FCRL1: variants seen among roughly 807,000 people sequenced by gnomAD.
FCRL1 encodes the protein Fc receptor-like protein 1.
In FCRL1, 34 loss-of-function variants were observed where a neutral mutation model predicts 49.2. The observed-to-expected ratio is 0.69, with a 90% CI of 0.53 to 0.92. The LOEUF (loss-of-function observed/expected upper bound fraction) is 0.92, where lower values mean the gene tolerates loss of function less well. Among genes scored for constraint, FCRL1 ranks in the 40% least tolerant of loss-of-function variants. The probability of loss-of-function intolerance (pLI) is 0.00; values close to 1 mark genes in which losing one functional copy is unlikely to be tolerated. For synonymous variants in FCRL1, 218 were observed against 201.6 expected (o/e 1.08, Z -0.69); for missense variants, 524 against 524.1 (o/e 1.00, Z 0.00).
intron 1 of FCRL1, among the ~76,000 whole-genome samples, chr1:157,814,873 AATG>A (rs1338643985): frequency 2.0e-5 from 3 of 152,006 alleles, no homozygotes; most frequent in Non-Finnish European, 4.4e-5. Flanking sequence ...GCCATTGTAT[AATG>A]ATAAGGGGGT....
rs1277738364 is a variant in FCRL1, at chr1:157,801,900, T to C, written c.886+15A>G. 13 of 1,605,518 alleles carry C rather than the reference T, an allele frequency of 8.1e-6. No homozygotes were observed. Among genetic ancestry groups the C allele is most frequent in the East Asian group, 2.2e-5 (1 of 44,852 alleles). On this transcript the variant is annotated intron_variant, in intron 5 of 10. Coordinates refer to ENST00000368176, the MANE Select transcript of FCRL1 (RefSeq NM_052938.5). ...GGAGACATTGACCAAGACAGTTCCA[T>C]AGCCTGAGCTATACCTGTGAAGTTG...
chr1:157,800,368 T>C (rs1196386944), intron 6 of FCRL1, among the ~76,000 whole-genome samples: 1 of 152,244 alleles, frequency 6.6e-6, no homozygotes, highest in Non-Finnish European at 1.5e-5. Context: ...TTGTATGTTT[T>C]GGTTTTGTTT....
rs1391617934 is a variant in FCRL1 at position 157,801,590 on chromosome 1, A to T, written c.887-13T>A. ...GCCCCAGTAGGCACTAGAGGGAGAG[A>T]CCTGTGCATGATCTGCTCAGAGGAA... On this transcript the variant is annotated splice_polypyrimidine_tract_variant and intron_variant, in intron 5 of 10. Coordinates refer to ENST00000368176, the MANE Select transcript of FCRL1 (RefSeq NM_052938.5). 1.9e-6 allele frequency: 3 copies of T among 1,567,398 alleles called. No homozygotes were observed. The highest frequency in any genetic ancestry group is 1.4e-5 in the African/African-American group (1 of 73,904).
chr1:157,805,728 C>A (rs926045818), intron 2 of FCRL1, among the ~76,000 whole-genome samples: 1 of 152,164 alleles, frequency 6.6e-6, no homozygotes, highest in African/African-American at 2.4e-5. Flanking sequence ...AAACTTCTCT[C>A]TACTAAAAAC....
At position 157,804,043 on chromosome 1, in the gene FCRL1, G is replaced by A. The variant is rs759656874; in HGVS notation, c.121C>T (p.Pro41Ser). ...GSPVTLTCKM[P>S]FLQSSDAQFQ... ...TGGGCATCTGAACTCTGTAGAAAGG[G>A]CATCTTACACGTCAGGGTCACTGGG... Residue 41 changes from proline to serine, a missense_variant, in exon 3 of 11, where the codon CCC (proline) becomes TCC (serine). By Grantham distance (74) the Pro-to-Ser change is moderately conservative. Coordinates refer to ENST00000368176, the MANE Select transcript of FCRL1 (RefSeq NM_052938.5). 6.2e-7 allele frequency: 1 copy of A among 1,614,192 alleles called. No individual in the cohort carries two copies. The highest frequency in any genetic ancestry group is 8.5e-7 in the Non-Finnish European group (1 of 1,180,036).
intron 1 of FCRL1, among the ~76,000 whole-genome samples, chr1:157,818,800 T>C (rs567944321): frequency 6.6e-6 from 1 of 152,330 alleles, no homozygotes; most frequent in South Asian, 2.1e-4. Flanking sequence ...ACTTAAATGG[T>C]GAATTGTATT....
chr1:157,811,738 G>T (rs1186466198), intron 1 of FCRL1, among the ~76,000 whole-genome samples: 5 of 152,102 alleles, frequency 3.3e-5, no homozygotes, highest in African/African-American at 9.7e-5. Context: ...CATCCTTGAG[G>T]CTTCACCATC....
At chr1:157,800,748 G>T (rs892930859) in intron 6 of FCRL1, among the ~76,000 whole-genome samples, 1 of 152,054 alleles carries the variant, frequency 6.6e-6, no homozygotes. Context: ...GTGAATGTGC[G>T]GTTCAGAGAG....
chr1:157,803,746 T>A, intron 3 of FCRL1, 99 bp downstream of exon 3: 1 of 1,426,158 alleles, frequency 7.0e-7, no homozygotes, highest in Non-Finnish European at 9.5e-7. Context: ...TTCAAACAGC[T>A]CCTACTCTTG....
chr1:157,819,567 G>A (rs769038942), intron 1 of FCRL1, among the ~76,000 whole-genome samples: 14 of 152,108 alleles, frequency 9.2e-5, no homozygotes, highest in Non-Finnish European at 1.9e-4. Context: ...AGTGGGGGTG[G>A]GGGATGTATG....
intron 1 of FCRL1, among the ~76,000 whole-genome samples, chr1:157,809,868 G>A (rs1654049410): frequency 6.6e-6 from 1 of 152,176 alleles, no homozygotes; most frequent in African/African-American, 2.4e-5. Context: ...AGGTTGCAAT[G>A]AGCCATGACC....
At chr1:157,804,146 G>A (rs774710341) in intron 2 of FCRL1, 35 bp from the exon 3 acceptor site, 10 of 1,600,030 alleles carry the variant, frequency 6.2e-6, no homozygotes, top group South Asian at 2.2e-5. Context: ...TGATTAATGC[G>A]GTTCGGAATT....
chr1:157,798,130 T>C, intron 8 of FCRL1, 31 bp downstream of exon 8: 1 of 1,595,318 alleles, frequency 6.3e-7, no homozygotes, highest in Non-Finnish European at 8.6e-7. Context: ...TGCTGTACCA[T>C]CGTTGGCCTG....
Position 157,794,976 on chromosome 1 carries a change from A to C in FCRL1, c.*1123T>G, listed in dbSNP as rs961209371. On this transcript the variant is annotated 3_prime_UTR_variant, in exon 11 of 11. Coordinates refer to ENST00000368176, the MANE Select transcript of FCRL1 (RefSeq NM_052938.5). ...TACATGTATGCATAAGTATACATAC[A>C]AAAATAGAAAAATATCTAGAGAGCT... 21 of 152,260 alleles carry C rather than the reference A, an allele frequency of 1.4e-4. No homozygotes were observed. Among genetic ancestry groups the C allele is most frequent in the African/African-American group, 4.6e-4 (19 of 41,474 alleles). 9.4% of individuals were successfully genotyped at this position (152,260 alleles called of 1,614,324 possible). A position where few individuals can be genotyped will look rare whatever the true frequency, so the allele number is the denominator to read the frequency against.
At chr1:157,804,970 C>G (rs1246290546) in intron 2 of FCRL1, among the ~76,000 whole-genome samples, 1 of 152,036 alleles carries the variant, frequency 6.6e-6, no homozygotes, top group Non-Finnish European at 1.5e-5. Context: ...AGCAGTCATC[C>G]CACCTCAGCC....
At chr1:157,810,553 TC>T (rs1312930914) in intron 1 of FCRL1, among the ~76,000 whole-genome samples, 1 of 152,028 alleles carries the variant, frequency 6.6e-6, no homozygotes, top group Non-Finnish European at 1.5e-5. Context: ...CACCTCGGCC[TC>T]CCCAAGTGCT....
intron 9 of FCRL1, 64 bp from the exon 10 acceptor site, chr1:157,797,196 GTT>G: frequency 6.9e-7 from 1 of 1,459,530 alleles, no homozygotes; most frequent in Non-Finnish European, 9.6e-7. Flanking sequence ...CTAAACTTGT[GTT>G]AAGAAAAGCT....
At chr1:157,803,428 T>C (rs1652865987) in intron 3 of FCRL1, among the ~76,000 whole-genome samples, 1 of 152,214 alleles carries the variant, frequency 6.6e-6, no homozygotes, top group African/African-American at 2.4e-5. Context: ...TAACCTATTC[T>C]ACACACTCCT....
intron 5 of FCRL1, 62 bp downstream of exon 5, chr1:157,801,853 A>C (rs1652528906): frequency 1.8e-3 from 2,725 of 1,545,034 alleles, no homozygotes; most frequent in Non-Finnish European, 2.2e-3. Context: ...GCACCAGCAA[A>C]ACTCTCCCAG....
Sources: allele counts gnomAD v4.1 joint callset (sites outside exome capture counted in the v4.1 genomes callset), GRCh38; gene constraint gnomAD v4.1.1; transcripts MANE v1.5; gene names NCBI Gene and HGNC (gene_info 2026-07-23, HGNC 2026-07-21).